The following PDE5A variants were observed in gnomAD, a reference collection of about 807,000 sequenced individuals.
PDE5A encodes the protein cGMP-specific 3',5'-cyclic phosphodiesterase.
Under a neutral mutation model 110.2 loss-of-function variants are expected in PDE5A, and 67 were observed. The ratio of observed to expected loss-of-function variants is 0.61; its 90% CI spans 0.50 to 0.75. The LOEUF is 0.75. Ranked by LOEUF, PDE5A falls within the 30% of genes least tolerant of loss-of-function variation. PDE5A has a pLI of 0.00. For missense variants in PDE5A, 862 were observed against 1,045.1 expected (o/e 0.82, Z 2.42); for synonymous variants, 328 against 351.2 (o/e 0.93, Z 0.74).
chr4:119,495,271 C>T lies in PDE5A; in HGVS notation c.*3330G>A, dbSNP rs202221915. ...CCGTGAGCTCCTTGGGGTCACTGCTCTGTCTCCACAGCAGAGCACGGTACC... is the reference window on the plus strand; with the variant it reads ...CCGTGAGCTCCTTGGGGTCACTGCTTTGTCTCCACAGCAGAGCACGGTACC... On this transcript the variant is annotated 3_prime_UTR_variant, in exon 21 of 21. Coordinates refer to ENST00000354960, the MANE Select transcript of PDE5A (RefSeq NM_001083.4). The T allele has an allele frequency of 1.3e-5, 2 of 152,142 alleles. No homozygotes were observed. The highest frequency in any genetic ancestry group is 2.9e-5 in the Non-Finnish European group (2 of 68,022). The allele number at this position is 152,142 out of a possible 1,614,324, so 9.4% of individuals were successfully genotyped here.
chr4:119,530,451 A>G (rs1364130890), intron 11 of PDE5A, among the ~76,000 whole-genome samples: 2 of 152,184 alleles, frequency 1.3e-5, no homozygotes, highest in East Asian at 3.8e-4. Flanking sequence ...AGCACTGATT[A>G]GGAAGGAGTG....
At chr4:119,536,517 T>C (rs1726728789) in intron 11 of PDE5A, among the ~76,000 whole-genome samples, 1 of 152,114 alleles carries the variant, frequency 6.6e-6, no homozygotes, top group Non-Finnish European at 1.5e-5. Flanking sequence ...TGTAAATAAT[T>C]GAAAAACTGT....
chr4:119,592,390 G>A lies in PDE5A; in HGVS notation c.831+4133C>T, dbSNP rs189591508. The stretch of plus-strand genomic sequence containing the variant: ...GGAGAATGGCGCAAACCCGGGAGGC[G>A]GAGGCTGCAGTGAGCCGAGATCGCA... On this transcript the variant is annotated intron_variant, in intron 3 of 20. Transcript: ENST00000354960. Among the ~76,000 whole-genome samples the A allele has an allele frequency of 9.1e-3, 1,343 of 147,064 alleles. 23 individuals carry two copies. The highest frequency in any genetic ancestry group is 0.032 in the African/African-American group (1,260 of 39,668).
At chr4:119,507,815 G>A in intron 15 of PDE5A, 111 bp from the exon 16 acceptor site, 1 of 692,422 alleles carries the variant, frequency 1.4e-6, no homozygotes, top group South Asian at 1.7e-5. Flanking sequence ...TCTAATGAAT[G>A]TGGAGGACAC....
intron 11 of PDE5A, among the ~76,000 whole-genome samples, chr4:119,534,590 C>T (rs147678876): frequency 1.9e-3 from 289 of 152,244 alleles, no homozygotes; most frequent in African/African-American, 6.7e-3. Context: ...CACTGCCTTA[C>T]TGGATGCCAT....
At chr4:119,563,038 ATGGGT>A in intron 5 of PDE5A, 68 bp from the exon 6 acceptor site, 3 of 1,342,176 alleles carry the variant, frequency 2.2e-6, no homozygotes, top group Non-Finnish European at 2.0e-6. Context: ...AATTATTTAT[ATGGGT>A]TATAAATTGT....
chr4:119,613,442 ACAGAATAATGAGCAACTC>A (rs1729826523), intron 1 of PDE5A, among the ~76,000 whole-genome samples: 1 of 152,104 alleles, frequency 6.6e-6, no homozygotes, highest in Non-Finnish European at 1.5e-5. Flanking sequence ...GGCACCAGGG[ACAGAATAATGAGCAACTC>A]CAGAAAAATT....
chr4:119,540,684 G>C (rs1726895926), intron 10 of PDE5A, among the ~76,000 whole-genome samples: 6 of 152,152 alleles, frequency 3.9e-5, no homozygotes. Flanking sequence ...GTAAGCATTA[G>C]AATACAATTG....
chr4:119,585,060 G>C (rs1270591335), intron 3 of PDE5A, among the ~76,000 whole-genome samples: 1 of 152,122 alleles, frequency 6.6e-6, no homozygotes, highest in African/African-American at 2.4e-5. Context: ...CGGATCACAA[G>C]GTCAGGAGTT....
intron 20 of PDE5A, chr4:119,500,345 T>C (rs1399624662): frequency 1.3e-5 from 2 of 151,772 alleles, no homozygotes; most frequent in Admixed American, 6.6e-5. Context: ...TATTAAATTC[T>C]TTTGATGGCG....
chr4:119,590,297 T>C (rs1252403964), intron 3 of PDE5A, among the ~76,000 whole-genome samples: 2 of 152,222 alleles, frequency 1.3e-5, no homozygotes, highest in Non-Finnish European at 2.9e-5. Context: ...ACATGTTTAC[T>C]GTCTCCTACA....
At chr4:119,608,946 G>A (rs975185903) in intron 1 of PDE5A, among the ~76,000 whole-genome samples, 7 of 152,096 alleles carry the variant, frequency 4.6e-5, no homozygotes, top group African/African-American at 1.7e-4. Context: ...CGGATCATGA[G>A]GTCAGGAAAT....
chr4:119,609,600 G>A lies in PDE5A; in HGVS notation c.153-2303C>T, dbSNP rs577616552. 7.9e-5 allele frequency among the ~76,000 whole-genome samples: 12 copies of A among 151,802 alleles called. No individual in the cohort carries two copies. The South Asian group carries it at 1.9e-3, about 24-fold the overall frequency. On this transcript the variant is annotated intron_variant, in intron 1 of 20. Coordinates refer to ENST00000354960, the MANE Select transcript of PDE5A (RefSeq NM_001083.4). Reference sequence around the variant, plus strand: ...ATGATACCCCATCTAGAATGTAATCGGTCAAAATGAAAAGATAAAAATATT... The same window carrying A: ...ATGATACCCCATCTAGAATGTAATCAGTCAAAATGAAAAGATAAAAATATT...
intron 11 of PDE5A, among the ~76,000 whole-genome samples, chr4:119,527,722 G>A (rs1726376457): frequency 6.6e-6 from 1 of 151,190 alleles, no homozygotes; most frequent in African/African-American, 2.5e-5. Flanking sequence ...AGCAAATTTA[G>A]ATTTCTGAGT....
At chr4:119,625,217 T>C (rs549973564) in intron 1 of PDE5A, among the ~76,000 whole-genome samples, 2 of 152,298 alleles carry the variant, frequency 1.3e-5, no homozygotes, top group African/African-American at 4.8e-5. Context: ...CAGGCTGGTC[T>C]TGAACTCCTG....
At chr4:119,609,122 A>G (rs761386271) in intron 1 of PDE5A, among the ~76,000 whole-genome samples, 5 of 152,102 alleles carry the variant, frequency 3.3e-5, no homozygotes, top group Non-Finnish European at 7.4e-5. Flanking sequence ...AGATCGCGCC[A>G]TTGCACTCCA....
chr4:119,501,217 T>G lies in PDE5A; in HGVS notation c.2443A>C (p.Ser815Arg). The change falls in exon 20 of 21, where the codon AGT becomes CGT. Residue 815 changes from serine to arginine, a missense_variant. Coordinates refer to ENST00000354960, the MANE Select transcript of PDE5A (RefSeq NM_001083.4). ...MNREKKNKIP[S>R]MQVGFIDAIC... ...GCATCTATGAACCCAACTTGCATAC[T>G]TGGGATTTTGTTTTTCTTCTCCCTG... is the stretch of plus-strand genomic sequence containing the variant. The G allele has an allele frequency of 6.2e-7, 1 of 1,612,476 alleles. No homozygotes were observed. The highest frequency in any genetic ancestry group is 8.5e-7 in the Non-Finnish European group (1 of 1,178,610).
chr4:119,507,834 A>G (rs1200654721), intron 15 of PDE5A, 130 bp from the exon 16 acceptor site: 7 of 631,526 alleles, frequency 1.1e-5, no homozygotes, highest in Non-Finnish European at 1.9e-5. Context: ...ACACTTAAAT[A>G]CCATGAAATA....
intron 16 of PDE5A, among the ~76,000 whole-genome samples, chr4:119,506,915 A>G (rs1418559880): frequency 6.6e-6 from 1 of 151,792 alleles, no homozygotes; most frequent in East Asian, 1.9e-4. Flanking sequence ...TTACAGAGGG[A>G]GAGAGACTCA....
Sources: allele counts gnomAD v4.1 joint callset (sites outside exome capture counted in the v4.1 genomes callset), GRCh38; gene constraint gnomAD v4.1.1; transcripts MANE v1.5; gene names NCBI Gene and HGNC (gene_info 2026-07-23, HGNC 2026-07-21).